XPO7: variants seen among roughly 807,000 people sequenced by gnomAD.
The protein encoded by XPO7 is exportin 7.
In XPO7, 21 loss-of-function variants were observed where a neutral mutation model predicts 144.3. The ratio of observed to expected loss-of-function variants is 0.15; its 90% CI spans 0.10 to 0.21. The LOEUF (loss-of-function observed/expected upper bound fraction) is 0.21, where lower values mean the gene tolerates loss of function less well. Ranked by LOEUF, XPO7 falls within the 10% of genes least tolerant of loss-of-function variation. The pLI is 1.00. For missense variants in XPO7, 808 were observed against 1,325.8 expected (o/e 0.61, Z 6.06); for synonymous variants, 580 against 499.6 (o/e 1.16, Z -2.15).
In XPO7 at chr8:21,957,285, C is replaced by T. The variant is rs1811567867; in HGVS notation, c.19-9572C>T. On this transcript the variant is annotated intron_variant, in intron 1 of 27. Coordinates refer to ENST00000252512, the MANE Select transcript of XPO7 (RefSeq NM_015024.5). ...GTGTCTCTCAGTCCAAAGAGAGGGA[C>T]AGTTACTGAGAGGCATACAGTGAGG... is the stretch of plus-strand genomic sequence containing the variant. Among the ~76,000 whole-genome samples, 3 of 152,140 alleles carry T rather than the reference C, an allele frequency of 2.0e-5. No individual in the cohort carries two copies. In the South Asian group the frequency reaches 6.2e-4, roughly 32 times the overall value.
intron 1 of XPO7, among the ~76,000 whole-genome samples, chr8:21,928,835 T>C (rs943624407): frequency 3.9e-5 from 6 of 152,232 alleles, no homozygotes; most frequent in Admixed American, 3.9e-4. Context: ...CGTAAATAAG[T>C]TTTATTGGAA....
At chr8:21,925,527 A>G (rs985010465) in intron 1 of XPO7, among the ~76,000 whole-genome samples, 1 of 152,194 alleles carries the variant, frequency 6.6e-6, no homozygotes, top group Non-Finnish European at 1.5e-5. Flanking sequence ...GAAGATTTAG[A>G]TGATGTTCAT....
Position 21,969,501 on chromosome 8 carries a change from C to T in XPO7, c.184C>T (p.Leu62=). The T allele has an allele frequency of 1.9e-6, 3 of 1,613,680 alleles. No homozygotes were observed. The highest frequency in any genetic ancestry group is 1.7e-6 in the Non-Finnish European group (2 of 1,179,710). ...TTCACAGTCCTCTTACTCCCAGTTA[C>T]TGGCAGCTACATGCCTTACCAAGCT... The part of the protein sequence containing the change: ...ERGSSSYSQL[L]AATCLTKLVS... The change falls in exon 3 of 28, where the codon CTG becomes TTG. Residue 62 remains leucine, a synonymous_variant. Transcript: ENST00000252512.
At chr8:21,946,586 CAAAA>C (rs11462969) in intron 1 of XPO7, among the ~76,000 whole-genome samples, 2 of 121,566 alleles carry the variant, frequency 1.6e-5, no homozygotes, top group Admixed American at 9.2e-5. Flanking sequence ...AAAAAAAAAA[CAAAA>C]AAAAAAAACA....
intron 1 of XPO7, among the ~76,000 whole-genome samples, chr8:21,941,859 T>C (rs1811003972): frequency 6.6e-6 from 1 of 152,152 alleles, no homozygotes; most frequent in Non-Finnish European, 1.5e-5. Flanking sequence ...AAATTTTCGT[T>C]GTTGTTGTTG....
chr8:21,971,797 T>G, intron 4 of XPO7, 79 bp from the exon 5 acceptor site: 1 of 1,144,132 alleles, frequency 8.7e-7, no homozygotes, highest in East Asian at 2.5e-5. Flanking sequence ...AACCCGTCAT[T>G]CGAAAGTATG....
At chr8:21,963,556 G>T (rs1458110303) in intron 1 of XPO7, among the ~76,000 whole-genome samples, 1 of 152,054 alleles carries the variant, frequency 6.6e-6, no homozygotes, top group Admixed American at 6.5e-5. Context: ...TTAGCTGGGC[G>T]TGGTGGCACG....
intron 12 of XPO7, 82 bp downstream of exon 12, chr8:21,984,921 T>A: frequency 7.0e-7 from 1 of 1,425,804 alleles, no homozygotes. Flanking sequence ...ACCTCTTTCC[T>A]ACCTCCCTGC....
chr8:21,920,921 G>A (rs1292144742), intron 1 of XPO7, among the ~76,000 whole-genome samples: 1 of 152,180 alleles, frequency 6.6e-6, no homozygotes, highest in African/African-American at 2.4e-5. Flanking sequence ...ATCTGGAGTG[G>A]TGTGACTTCT....
At chr8:21,993,477 TTTGTTG>T (rs1247346290) in intron 19 of XPO7, among the ~76,000 whole-genome samples, 1 of 152,132 alleles carries the variant, frequency 6.6e-6, no homozygotes, top group African/African-American at 2.4e-5. Context: ...TTGAGCACAT[TTTGTTG>T]TTGTTGTTGT....
At chr8:22,002,090 C>T (rs1416391011) in intron 24 of XPO7, 22 bp from the exon 25 acceptor site, 1 of 1,595,072 alleles carries the variant, frequency 6.3e-7, no homozygotes, top group Non-Finnish European at 8.5e-7. Flanking sequence ...CTCTGTCCTA[C>T]CCCTGCCTTT....
At chr8:21,966,204 G>T (rs1811877306) in intron 1 of XPO7, 1 of 740,434 alleles carries the variant, frequency 1.4e-6, no homozygotes, top group Non-Finnish European at 2.5e-6. Flanking sequence ...ATATGCTAGG[G>T]TTGAATTTAT....
chr8:21,943,053 A>G (rs1328836513), intron 1 of XPO7, among the ~76,000 whole-genome samples: 2 of 152,216 alleles, frequency 1.3e-5, no homozygotes, highest in East Asian at 3.8e-4. Context: ...TCAGTACAGC[A>G]AAGTGTATAA....
chr8:22,004,090 A>C, intron 27 of XPO7, 60 bp downstream of exon 27: 4 of 1,602,720 alleles, frequency 2.5e-6, no homozygotes, highest in Admixed American at 1.7e-5. Context: ...AAATCAACGA[A>C]ACAGGCAGTT....
chr8:21,966,477 G>C (rs930643768), intron 1 of XPO7, among the ~76,000 whole-genome samples: 1 of 152,146 alleles, frequency 6.6e-6, no homozygotes, highest in African/African-American at 2.4e-5. Flanking sequence ...CTTAATTTTA[G>C]TAGCCGTGCC....
chr8:21,999,358 T>C, intron 23 of XPO7, 53 bp downstream of exon 23: 4 of 1,604,126 alleles, frequency 2.5e-6, no homozygotes, highest in Non-Finnish European at 3.4e-6. Context: ...ATTCAGCCTT[T>C]TTCACCTGAG....
At chr8:21,957,675 G>C (rs1264932968) in intron 1 of XPO7, among the ~76,000 whole-genome samples, 7 of 152,144 alleles carry the variant, frequency 4.6e-5, no homozygotes, top group Admixed American at 4.6e-4. Flanking sequence ...ATTTCCTTTG[G>C]AAGCTTTAAG....
chr8:21,946,330 A>G (rs370604694), intron 1 of XPO7, among the ~76,000 whole-genome samples: 1 of 151,010 alleles, frequency 6.6e-6, no homozygotes, highest in Non-Finnish European at 1.5e-5. Flanking sequence ...ACCGTCAAAA[A>G]CAACAAGGCA....
At chr8:21,922,306 A>T (rs962004434) in intron 1 of XPO7, among the ~76,000 whole-genome samples, 4 of 150,454 alleles carry the variant, frequency 2.7e-5, no homozygotes, top group African/African-American at 9.7e-5. Flanking sequence ...AAGTGCTATA[A>T]AACTTTAGTA....
Sources: allele counts gnomAD v4.1 joint callset (sites outside exome capture counted in the v4.1 genomes callset), GRCh38; gene constraint gnomAD v4.1.1; transcripts MANE v1.5; gene names NCBI Gene and HGNC (gene_info 2026-07-23, HGNC 2026-07-21).